The following KIF26A variants were observed in gnomAD, a reference collection of about 807,000 sequenced individuals.
KIF26A encodes kinesin-like protein KIF26A.
Under a neutral mutation model 126.0 loss-of-function variants are expected in KIF26A, and 74 were observed. The observed-to-expected ratio is 0.59, with a 90% confidence interval of 0.49 to 0.71. KIF26A has a LOEUF of 0.71. Among genes scored for constraint, KIF26A ranks in the 30% least tolerant of loss-of-function variants. The pLI is 0.00. For missense variants in KIF26A, 2,984 were observed against 2,763.3 expected, an observed-to-expected ratio of 1.08 and a Z score of -1.79; for synonymous variants, 1,445 against 1,232.7, an observed-to-expected ratio of 1.17 and a Z score of -3.61.
intron 3 of KIF26A, 140 bp from the exon 4 acceptor site, chr14:104,157,615 G>C (rs1016747939): frequency 1.2e-5 from 11 of 939,240 alleles, no homozygotes; most frequent in Non-Finnish European, 1.5e-5. Context: ...GGCTTCACAG[G>C]CTGGGCCCTG....
chr14:104,171,965 G>A, intron 6 of KIF26A, 30 bp downstream of exon 6: 1 of 1,538,868 alleles, frequency 6.5e-7, no homozygotes, highest in Non-Finnish European at 8.8e-7. Context: ...GCGTCCTCCC[G>A]GAGACCCGGA....
intron 4 of KIF26A, among the ~76,000 whole-genome samples, chr14:104,164,258 G>T (rs371284452): frequency 3.9e-5 from 6 of 152,220 alleles, no homozygotes; most frequent in Non-Finnish European, 7.4e-5. Context: ...CTGTGGGGGG[G>T]GCGTGGGGCA....
At chr14:104,169,864 G>A (rs1027633222) in intron 5 of KIF26A, among the ~76,000 whole-genome samples, 2 of 152,190 alleles carry the variant, frequency 1.3e-5, no homozygotes, top group African/African-American at 4.8e-5. Context: ...TAGGGGAGAG[G>A]CTTGCTGTGC....
chr14:104,142,032 T>C (rs927475738), intron 2 of KIF26A, among the ~76,000 whole-genome samples: 1 of 151,650 alleles, frequency 6.6e-6, no homozygotes, highest in Non-Finnish European at 1.5e-5. Flanking sequence ...GTTCCCGGCC[T>C]ACCTCTCCCT....
Position 104,139,037 on chromosome 14 carries a change from C to T in KIF26A, c.43-6C>T, listed in dbSNP as rs549013250. ...CACTGTCCGCTTCCGCCCCCACACC[C>T]TGCAGGTGGCCGAGGGCGGCCCGGC... On this transcript the variant is annotated splice_region_variant and splice_polypyrimidine_tract_variant and intron_variant, in intron 1 of 14. Transcript: ENST00000423312. The T allele has an allele frequency of 7.6e-5, 104 of 1,361,624 alleles. No individual in the cohort carries two copies. In the African/African-American group the frequency reaches 1.1e-3, roughly 14 times the overall value. 84.3% of individuals were successfully genotyped at this position (1,361,624 alleles called of 1,614,324 possible).
chr14:104,139,334 C>G, intron 2 of KIF26A, 46 bp downstream of exon 2: 1 of 1,387,376 alleles, frequency 7.2e-7, no homozygotes, highest in Non-Finnish European at 9.4e-7. Context: ...AGGGCCACGC[C>G]GAACTTGGGT....
Position 104,157,772 on chromosome 14 carries a change from G to A in KIF26A, c.753G>A (p.Ala251=), listed in dbSNP as rs372961043. The change falls in exon 4 of 15, where the codon GCG becomes GCA. Residue 251 remains alanine, a synonymous_variant. Transcript: ENST00000423312. ...PPACLAEAAV[A]AVAVADTVRE... ...CCCTCCAGGCCGAGGCAGCGGTGGC[G>A]GCCGTGGCGGTGGCAGACACGGTCC... 137 of 1,610,430 alleles carry A rather than the reference G, an allele frequency of 8.5e-5. No individual in the cohort carries two copies. Among genetic ancestry groups the A allele is most frequent in the African/African-American group, 3.7e-4 (28 of 74,830 alleles).
At chr14:104,165,917 T>C (rs766728613) in intron 4 of KIF26A, among the ~76,000 whole-genome samples, 4 of 152,042 alleles carry the variant, frequency 2.6e-5, no homozygotes, top group Non-Finnish European at 4.4e-5. Flanking sequence ...CTCCCAAGCA[T>C]GCACTGGCCT....
chr14:104,162,185 G>C (rs1036216726), intron 4 of KIF26A, among the ~76,000 whole-genome samples: 5 of 152,348 alleles, frequency 3.3e-5, no homozygotes, highest in Admixed American at 1.3e-4. Flanking sequence ...GTAAAAGCAG[G>C]CACCGGGAGG....
At chr14:104,149,462 T>C (rs1315613145) in intron 2 of KIF26A, among the ~76,000 whole-genome samples, 1 of 152,168 alleles carries the variant, frequency 6.6e-6, no homozygotes, top group East Asian at 1.9e-4. Flanking sequence ...CCTCGGCTTG[T>C]CCCCAGTGGG....
intron 2 of KIF26A, among the ~76,000 whole-genome samples, chr14:104,146,765 G>T (rs531259525): frequency 8.3e-4 from 126 of 152,306 alleles, no homozygotes; most frequent in African/African-American, 2.9e-3. Flanking sequence ...CGGGGTGAGG[G>T]TCTCCAAGGG....
chr14:104,165,593 C>CTATGCATGTGTGTGTCTCTGTCTCTG (rs1566860940), intron 4 of KIF26A, among the ~76,000 whole-genome samples: 2 of 138,882 alleles, frequency 1.4e-5, no homozygotes, highest in African/African-American at 2.9e-5. Context: ...GTCTGTGTGT[C>CTATGCATGTGTGTGTCTCTGTCTCTG]TATGCATGTG....
In KIF26A at chr14:104,148,962, C is replaced by T. The variant is rs1018556931; in HGVS notation, c.289-3053C>T. On this transcript the variant is annotated intron_variant, in intron 2 of 14. Transcript: ENST00000423312. The surrounding 1 kb of genome is among the most constrained non-coding windows in gnomAD (Gnocchi z 4.3). ...GGCTGGTCCTGCAAATAGGAGGTCT[C>T]GGGTCCTCTGGGCTGGGCTGTGTGG... Among the ~76,000 whole-genome samples, 9 of 152,168 alleles carry T rather than the reference C, an allele frequency of 5.9e-5. No homozygotes were observed. Among genetic ancestry groups the T allele is most frequent in the African/African-American group, 1.7e-4 (7 of 41,440 alleles).
At chr14:104,167,258 A>C (rs1178740236) in intron 5 of KIF26A, among the ~76,000 whole-genome samples, 2 of 151,504 alleles carry the variant, frequency 1.3e-5, no homozygotes, top group African/African-American at 4.9e-5. Context: ...ATGGGAGGGG[A>C]GTGGCGTGTC....
Position 104,139,181 on chromosome 14 carries a change from G to C in KIF26A, c.181G>C (p.Gly61Arg), listed in dbSNP as rs1043136073. The change falls in exon 2 of 15, where the codon GGC becomes CGC. Residue 61 changes from glycine (G) to arginine (R), a missense_variant. Physicochemically the swap from Gly to Arg is moderately radical, Grantham distance 125. Coordinates refer to ENST00000423312, the MANE Select transcript of KIF26A (RefSeq NM_015656.2). ...PEGAGAGPEQ[G>R]HSAGGGGWCR... ...AGGCGCCGGGGCCGGCCCAGAGCAG[G>C]GCCACTCGGCCGGCGGAGGCGGCTG... 4.5e-6 allele frequency: 7 copies of C among 1,545,378 alleles called. No individual in the cohort carries two copies. Among genetic ancestry groups the C allele is most frequent in the South Asian group, 1.2e-5 (1 of 83,018 alleles).
chr14:104,176,873 C>G lies in KIF26A; in HGVS notation c.4085C>G (p.Pro1362Arg). 2 of 1,542,638 alleles carry G rather than the reference C, an allele frequency of 1.3e-6. No individual in the cohort carries two copies. Among genetic ancestry groups the G allele is most frequent in the Non-Finnish European group, 1.7e-6 (2 of 1,145,288 alleles). ...FLPRPSGAAP[P>R]APPTRKSSLE... ...CCGAGGCCCAGTGGGGCGGCCCCCC[C>G]GGCCCCACCCACGCGGAAGTCCAGC... The change falls in exon 12 of 15, where the codon CCG (proline) becomes CGG (arginine). Residue 1362 changes from proline to arginine, a missense_variant. Coordinates refer to ENST00000423312, the MANE Select transcript of KIF26A (RefSeq NM_015656.2).
Position 104,176,326 on chromosome 14 carries a change from G to T in KIF26A, c.3538G>T (p.Val1180Leu). 1 of 1,584,076 alleles carries T rather than the reference G, an allele frequency of 6.3e-7. No homozygotes were observed. The highest frequency in any genetic ancestry group is 8.6e-7 in the Non-Finnish European group (1 of 1,162,118). ...AACCTGGGGTCCGTGCCCTGGGGAA[G>T]TGGCTGCAGTGGCCCCATCCCGACC... ...GPTWGPCPGE[V>L]AAVAPSRPGR... Residue 1180 changes from valine to leucine, a missense_variant, in exon 12 of 15, where the codon GTG becomes TTG. Val to Leu is a conservative substitution (Grantham distance 32, BLOSUM62 1). Transcript: ENST00000423312.
intron 2 of KIF26A, among the ~76,000 whole-genome samples, chr14:104,150,949 C>T (rs890235938): frequency 2.0e-5 from 3 of 151,970 alleles, no homozygotes; most frequent in African/African-American, 4.8e-5. Flanking sequence ...GGGGTGCAGA[C>T]GCAGAGGGCC....
intron 4 of KIF26A, among the ~76,000 whole-genome samples, chr14:104,161,720 T>C (rs967968360): frequency 9.9e-5 from 15 of 152,158 alleles, no homozygotes; most frequent in African/African-American, 3.6e-4. Flanking sequence ...TAAACTGGTG[T>C]CTCACGGCAG....
Sources: allele counts gnomAD v4.1 joint callset (sites outside exome capture counted in the v4.1 genomes callset), GRCh38; gene constraint gnomAD v4.1.1; non-coding constraint Gnocchi (gnomAD v3.1); transcripts MANE v1.5; gene names NCBI Gene and HGNC (gene_info 2026-07-23, HGNC 2026-07-21).